SHROOM4: variants seen among roughly 807,000 people sequenced by gnomAD.
SHROOM4 encodes the protein protein Shroom4.
SHROOM4 carries 17 observed loss-of-function variants against 80.3 expected under a neutral mutation model. The ratio of observed to expected loss-of-function variants is 0.21; its 90% CI spans 0.14 to 0.32. The LOEUF (loss-of-function observed/expected upper bound fraction) is 0.32. SHROOM4 is among the 10% of genes least tolerant of loss of function. SHROOM4 has a pLI of 1.00. For missense variants in SHROOM4, 993 were observed against 1,140.3 expected, an observed-to-expected ratio of 0.87 and a Z score of 1.86; for synonymous variants, 400 against 437.5, an observed-to-expected ratio of 0.91 and a Z score of 1.07.
intron 1 of SHROOM4, among the ~76,000 whole-genome samples, chrX:50,754,436 T>C (rs1024814927): frequency 8.9e-6 from 1 of 112,115 alleles, no homozygotes; most frequent in African/African-American, 3.2e-5. Context: ...AAATAAGTCA[T>C]AGATTTGTTT....
intron 2 of SHROOM4, among the ~76,000 whole-genome samples, chrX:50,650,601 G>A (rs1473002081): frequency 9.2e-6 from 1 of 109,143 alleles, no homozygotes; most frequent in African/African-American, 3.4e-5. Flanking sequence ...CTCGTGATCC[G>A]CCCACCTCGA....
At chrX:50,705,376 CAGG>C (rs1933640860) in intron 1 of SHROOM4, among the ~76,000 whole-genome samples, 1 of 111,338 alleles carries the variant, frequency 9.0e-6, no homozygotes, top group Non-Finnish European at 1.9e-5. Flanking sequence ...GAAGAAAATG[CAGG>C]AGGAAGTGAT....
At chrX:50,600,717 G>A (rs1390823186) in intron 7 of SHROOM4, among the ~76,000 whole-genome samples, 2 of 111,739 alleles carry the variant, frequency 1.8e-5, no homozygotes, top group African/African-American at 6.5e-5. Context: ...TCCAAGACCT[G>A]TTGTCATATT....
chrX:50,805,008 T>C (rs1936198809), intron 1 of SHROOM4, among the ~76,000 whole-genome samples: 1 of 111,619 alleles, frequency 9.0e-6, no homozygotes, highest in African/African-American at 3.3e-5. Flanking sequence ...CTTCAAGATG[T>C]CATCACTCAC....
chrX:50,742,692 C>G (rs1934690381), intron 1 of SHROOM4, among the ~76,000 whole-genome samples: 1 of 106,591 alleles, frequency 9.4e-6, no homozygotes, highest in Non-Finnish European at 1.9e-5. Flanking sequence ...CACAGCATAT[C>G]AAGGAACACA....
chrX:50,675,024 C>A (rs1569547437), intron 2 of SHROOM4, among the ~76,000 whole-genome samples: 1 of 111,690 alleles, frequency 9.0e-6, no homozygotes, highest in Non-Finnish European at 1.9e-5. Flanking sequence ...CTATTCTAAG[C>A]AAAGAGAACA....
intron 1 of SHROOM4, among the ~76,000 whole-genome samples, chrX:50,734,143 C>T (rs868955178): frequency 8.0e-5 from 9 of 112,065 alleles, no homozygotes; most frequent in Middle Eastern, 4.7e-3. Context: ...TGAAAAACTA[C>T]ACTACATTCA....
chrX:50,602,161 G>A (rs1385512202), intron 7 of SHROOM4, among the ~76,000 whole-genome samples: 1 of 107,230 alleles, frequency 9.3e-6, no homozygotes, highest in Non-Finnish European at 1.9e-5. Context: ...GCGCGATCTC[G>A]GCTCACTGCA....
intron 5 of SHROOM4, among the ~76,000 whole-genome samples, chrX:50,619,511 G>T (rs1257124718): frequency 3.6e-5 from 4 of 111,661 alleles, no homozygotes; most frequent in African/African-American, 9.8e-5. Context: ...CGGGCCCACA[G>T]AAATTCAAGT....
chrX:50,638,292 T>G lies in SHROOM4; in HGVS notation c.286A>C (p.Ser96Arg). The change falls in exon 3 of 9, where the codon AGT (serine) becomes CGT (arginine). Residue 96 changes from serine (S) to arginine (R), a missense_variant. Coordinates refer to ENST00000376020, the MANE Select transcript of SHROOM4 (RefSeq NM_020717.5). ...LIVRRRNAPV[S>R]RPHSWHVAKL... ...GCCACATGCCATGAGTGCGGCCTAC[T>G]GACAGGGGCGTTCCTCCTACAGCAA... 8.3e-7 allele frequency: 1 copy of G among 1,211,917 alleles called. No homozygotes were observed.
Position 50,607,955 on chromosome X carries a change from T to G in SHROOM4, c.3187A>C (p.Ile1063Leu). 1 of 1,212,076 alleles carries G rather than the reference T, an allele frequency of 8.3e-7. No individual in the cohort carries two copies. Among genetic ancestry groups the G allele is most frequent in the Admixed American group, 2.2e-5 (1 of 46,087 alleles). ...CGGGTGCTTTGGGGCGCCAAGCTGA[T>G]GTGACTCTCTGAGAAGGCACGGCTG... ...LRSRAFSESH[I>L]SLAPQSTRAW... Residue 1063 changes from isoleucine to leucine, a missense_variant, in exon 6 of 9, where the codon ATC becomes CTC. Coordinates refer to ENST00000376020, the MANE Select transcript of SHROOM4 (RefSeq NM_020717.5).
At chrX:50,578,785 C>A in the SHROOM4 span, among the ~76,000 whole-genome samples, 1 of 111,692 alleles carries the variant, frequency 9.0e-6, no homozygotes, top group Non-Finnish European at 1.9e-5. Context: ...TATTCTGTGG[C>A]ATGCACTATC....
chrX:50,605,977 TCA>T (rs1437659874), intron 6 of SHROOM4, among the ~76,000 whole-genome samples: 2 of 111,942 alleles, frequency 1.8e-5, no homozygotes, highest in Admixed American at 1.9e-4. Context: ...TAGATAACAA[TCA>T]CAGGTATTTT....
intron 1 of SHROOM4, among the ~76,000 whole-genome samples, chrX:50,740,189 G>A (rs782520766): frequency 3.3e-5 from 3 of 90,579 alleles, no homozygotes; most frequent in Non-Finnish European, 4.3e-5. Flanking sequence ...TTGTGGGGTC[G>A]GGGGAGAGGG....
At chrX:50,618,532 C>G (rs368339030) in intron 5 of SHROOM4, among the ~76,000 whole-genome samples, 32 of 109,259 alleles carry the variant, frequency 2.9e-4, no homozygotes, top group African/African-American at 9.7e-4. Context: ...TCAGCCTCCC[C>G]GTGTGCCACC....
intron 1 of SHROOM4, among the ~76,000 whole-genome samples, chrX:50,770,399 GA>G (rs1935371294): frequency 8.9e-6 from 1 of 112,213 alleles, no homozygotes; most frequent in African/African-American, 3.2e-5. Flanking sequence ...GACCTGGATA[GA>G]AAGGTGAATG....
chrX:50,806,488 G>C (rs1293797901), intron 1 of SHROOM4, among the ~76,000 whole-genome samples: 2 of 112,240 alleles, frequency 1.8e-5, no homozygotes, highest in African/African-American at 6.5e-5. Flanking sequence ...ATAGGGCAAA[G>C]AGGTATAAGG....
At chrX:50,766,213 C>T (rs1161170204) in intron 1 of SHROOM4, among the ~76,000 whole-genome samples, 1 of 111,533 alleles carries the variant, frequency 9.0e-6, no homozygotes, top group African/African-American at 3.3e-5. Flanking sequence ...ATTCCCACAG[C>T]TTCTTGCTTC....
At chrX:50,714,689 A>T in intron 1 of SHROOM4, among the ~76,000 whole-genome samples, 1 of 112,495 alleles carries the variant, frequency 8.9e-6, no homozygotes, top group South Asian at 3.7e-4. Flanking sequence ...ACAGTATGTT[A>T]AGATAGCAAC....
Sources: allele counts gnomAD v4.1 joint callset (sites outside exome capture counted in the v4.1 genomes callset), GRCh38; gene constraint gnomAD v4.1.1; transcripts MANE v1.5; gene names NCBI Gene and HGNC (gene_info 2026-07-23, HGNC 2026-07-21).